Variants in PARPBP observed in about 807,000 individuals in gnomAD.
PARPBP encodes the protein PARP1 binding protein.
PARPBP carries 52 observed loss-of-function variants against 50.0 expected under a neutral mutation model. That is an observed-to-expected ratio of 1.04 (90% CI 0.83 to 1.31). The LOEUF (loss-of-function observed/expected upper bound fraction) is 1.31. PARPBP is among the 50% of genes most tolerant of loss of function. PARPBP has a pLI of 0.00. For missense variants in PARPBP, 697 were observed against 672.0 expected (o/e 1.04, Z -0.41); for synonymous variants, 244 against 232.1 (o/e 1.05, Z -0.47).
chr12:102,185,583 G>T (rs1048429001), intron 9 of PARPBP, among the ~76,000 whole-genome samples: 2 of 152,108 alleles, frequency 1.3e-5, no homozygotes, highest in African/African-American at 4.8e-5. Context: ...GAGTAGGATT[G>T]GTATTAGTTC....
At chr12:102,173,050 CA>C (rs960322716) in intron 6 of PARPBP, among the ~76,000 whole-genome samples, 1 of 152,072 alleles carries the variant, frequency 6.6e-6, no homozygotes, top group African/African-American at 2.4e-5. Flanking sequence ...TAGCATATTT[CA>C]AAAATTCTTC....
intron 6 of PARPBP, among the ~76,000 whole-genome samples, chr12:102,167,129 C>T (rs1244740425): frequency 6.6e-6 from 1 of 152,066 alleles, no homozygotes; most frequent in Non-Finnish European, 1.5e-5. Flanking sequence ...GAGTGGCAAC[C>T]ATGAACCTTC....
intron 4 of PARPBP, among the ~76,000 whole-genome samples, chr12:102,154,310 AAT>A (rs1447892685): frequency 2.6e-5 from 4 of 152,158 alleles, no homozygotes; most frequent in Non-Finnish European, 5.9e-5. Context: ...TCCTTGGGAG[AAT>A]ATGCTCAACT....
chr12:102,167,741 C>G (rs1257036577), intron 6 of PARPBP, among the ~76,000 whole-genome samples: 1 of 152,144 alleles, frequency 6.6e-6, no homozygotes, highest in Non-Finnish European at 1.5e-5. Flanking sequence ...CGTATGTAGA[C>G]TTACTCAATT....
intron 2 of PARPBP, among the ~76,000 whole-genome samples, chr12:102,127,470 A>G (rs1309744074): frequency 2.0e-5 from 3 of 152,018 alleles, no homozygotes; most frequent in Non-Finnish European, 2.9e-5. Flanking sequence ...CCCTCTTTCC[A>G]TATTAGATGT....
chr12:102,175,430 G>A, intron 6 of PARPBP, 53 bp from the exon 7 acceptor site: 1 of 1,154,738 alleles, frequency 8.7e-7, no homozygotes. Flanking sequence ...AAGTCTATAA[G>A]CATATTATAA....
intron 6 of PARPBP, among the ~76,000 whole-genome samples, chr12:102,173,066 A>G (rs1888907975): frequency 6.6e-6 from 1 of 152,204 alleles, no homozygotes; most frequent in South Asian, 2.1e-4. Context: ...TTCTTCTTAA[A>G]TGCGTTGGTA....
chr12:102,148,246 C>A lies in PARPBP; in HGVS notation c.170C>A (p.Thr57Lys). Residue 57 changes from threonine (T) to lysine (K), a missense_variant, in exon 3 of 11, where the codon ACA (threonine) becomes AAA (lysine). Physicochemically the swap from Thr to Lys is moderately conservative, Grantham distance 78. Transcript: ENST00000327680. ...CTTTTTCAGCACAGTGGAGAATTTA[C>A]AGTCTCTCTCAGTGATGTTTTATTG... ...ENNKQHSGEF[T>K]VSLSDVLLTW... 6.6e-7 allele frequency: 1 copy of A among 1,519,554 alleles called. No homozygotes were observed. The highest frequency in any genetic ancestry group is 9.0e-7 in the Non-Finnish European group (1 of 1,111,310). 94.1% of individuals were successfully genotyped at this position (1,519,554 alleles called of 1,614,324 possible).
chr12:102,164,587 G>GA lies in PARPBP; in HGVS notation c.648dup (p.Gln217ThrfsTer13). On this transcript the variant is annotated frameshift_variant, in exon 5 of 11. Transcript: ENST00000327680. LOFTEE classifies it high-confidence loss of function. ...CTGATTTGAAACATGCTGCTCGAGAGAAACAAATGTCTATCTTTTTGGTAT... is the reference window on the plus strand; with the variant it reads ...CTGATTTGAAACATGCTGCTCGAGAGAAAACAAATGTCTATCTTTTTGGTAT... 1 of 1,613,508 alleles carries GA rather than the reference G, an allele frequency of 6.2e-7. No homozygotes were observed. Among genetic ancestry groups the GA allele is most frequent in the Admixed American group, 1.7e-5 (1 of 60,004 alleles).
At chr12:102,161,700 C>T (rs1212415013) in intron 4 of PARPBP, among the ~76,000 whole-genome samples, 2 of 152,052 alleles carry the variant, frequency 1.3e-5, no homozygotes, top group Non-Finnish European at 2.9e-5. Flanking sequence ...GCAGGAGGAT[C>T]ACTTGAGCCC....
At chr12:102,135,484 G>C (rs1883488622) in intron 2 of PARPBP, among the ~76,000 whole-genome samples, 1 of 143,546 alleles carries the variant, frequency 7.0e-6, no homozygotes, top group South Asian at 2.2e-4. Context: ...GGCAGAGCTT[G>C]CAGTGAGATC....
chr12:102,130,834 A>G (rs1375182566), intron 2 of PARPBP, among the ~76,000 whole-genome samples: 1 of 151,766 alleles, frequency 6.6e-6, no homozygotes, highest in Non-Finnish European at 1.5e-5. Flanking sequence ...CAGCCCAGGC[A>G]ACAAGAGTGA....
intron 6 of PARPBP, among the ~76,000 whole-genome samples, chr12:102,174,152 T>C (rs1350702304): frequency 6.6e-6 from 1 of 151,984 alleles, no homozygotes; most frequent in Non-Finnish European, 1.5e-5. Context: ...GATTTTTTCA[T>C]GACTTTTTTC....
intron 2 of PARPBP, among the ~76,000 whole-genome samples, chr12:102,142,360 C>G (rs1884741077): frequency 6.6e-6 from 1 of 152,076 alleles, no homozygotes; most frequent in African/African-American, 2.4e-5. Context: ...TATTCTCTAC[C>G]CTGTTTATTC....
intron 2 of PARPBP, among the ~76,000 whole-genome samples, chr12:102,146,962 A>G (rs1333579655): frequency 1.3e-5 from 2 of 152,140 alleles, no homozygotes; most frequent in Non-Finnish European, 2.9e-5. Flanking sequence ...AAAACACATG[A>G]AAAAATGCTC....
intron 4 of PARPBP, among the ~76,000 whole-genome samples, chr12:102,156,130 C>T (rs1886880510): frequency 6.7e-6 from 1 of 150,034 alleles, no homozygotes; most frequent in Non-Finnish European, 1.5e-5. Context: ...ACAAGGACAC[C>T]CTGATAACAC....
At chr12:102,146,071 C>G (rs1427599799) in intron 2 of PARPBP, among the ~76,000 whole-genome samples, 1 of 152,076 alleles carries the variant, frequency 6.6e-6, no homozygotes, top group African/African-American at 2.4e-5. Context: ...AAAGAGGATA[C>G]AAAGAAATGG....
chr12:102,194,100 C>T (rs551853901), intron 9 of PARPBP, among the ~76,000 whole-genome samples: 5 of 151,936 alleles, frequency 3.3e-5, no homozygotes, highest in African/African-American at 7.2e-5. Context: ...GCTGGACAGA[C>T]GAATATTCTA....
intron 9 of PARPBP, among the ~76,000 whole-genome samples, chr12:102,184,413 T>C (rs1890128115): frequency 6.6e-6 from 1 of 152,148 alleles, no homozygotes; most frequent in African/African-American, 2.4e-5. Context: ...TTAAAGAAAA[T>C]GTTAAGGCTC....
Sources: allele counts gnomAD v4.1 joint callset (sites outside exome capture counted in the v4.1 genomes callset), GRCh38; gene constraint gnomAD v4.1.1; transcripts MANE v1.5; gene names NCBI Gene and HGNC (gene_info 2026-07-23, HGNC 2026-07-21).